Variants in IKZF3 observed in about 807,000 individuals in gnomAD.
The protein encoded by IKZF3 is IKAROS family zinc finger 3.
IKZF3 carries 10 observed loss-of-function variants against 49.0 expected under a neutral mutation model. That is an observed-to-expected ratio of 0.20 (90% CI 0.13 to 0.35). The LOEUF (loss-of-function observed/expected upper bound fraction) is 0.35. Ranked by LOEUF, IKZF3 falls within the 10% of genes least tolerant of loss-of-function variation. IKZF3 has a pLI of 1.00. For missense variants in IKZF3, 498 were observed against 664.8 expected (o/e 0.75, Z 2.76); for synonymous variants, 209 against 228.2 (o/e 0.92, Z 0.76).
At position 39,762,113 on chromosome 17, in the gene IKZF3, C is replaced by G. The variant is rs200058262; in HGVS notation, c.*3677G>C. The G allele has an allele frequency of 6.6e-6, 1 of 152,336 alleles. No individual in the cohort carries two copies. The highest frequency in any genetic ancestry group is 1.9e-4 in the East Asian group (1 of 5,174). The allele number at this position is 152,336 out of a possible 1,614,324, so 9.4% of individuals were successfully genotyped here. On this transcript the variant is annotated 3_prime_UTR_variant, in exon 8 of 8. Coordinates refer to ENST00000346872, the MANE Select transcript of IKZF3 (RefSeq NM_012481.5). ...ATGAAGGAGAGGGGCCTACAAGGCTCTTGTTCAGAGGGAGTCTGCATGAGA... is the reference window on the plus strand; with the variant it reads ...ATGAAGGAGAGGGGCCTACAAGGCTGTTGTTCAGAGGGAGTCTGCATGAGA...
At chr17:39,836,193 GAC>G in intron 1 of IKZF3, 1 of 662,230 alleles carries the variant, frequency 1.5e-6, no homozygotes, top group Non-Finnish European at 2.8e-6. Context: ...GGCTCTGGTT[GAC>G]CATGATGGCT....
intron 4 of IKZF3, among the ~76,000 whole-genome samples, chr17:39,791,887 CTT>C (rs1211244204): frequency 7.1e-5 from 9 of 126,826 alleles, no homozygotes; most frequent in African/African-American, 1.2e-4. Flanking sequence ...TTGGTACTCC[CTT>C]TTTTTTTTTT....
At chr17:39,839,441 C>T in intron 1 of IKZF3, 1 of 591,130 alleles carries the variant, frequency 1.7e-6, no homozygotes. Context: ...CAGTTTTCAT[C>T]TAAATCCACT....
chr17:39,766,658 G>C (rs1567955897), intron 7 of IKZF3, among the ~76,000 whole-genome samples, 165 bp from the exon 8 acceptor site: 1 of 152,206 alleles, frequency 6.6e-6, no homozygotes, highest in Non-Finnish European at 1.5e-5. Context: ...AGGGGACACT[G>C]GTCGGCAGCA....
rs1163710727 is a variant in IKZF3 at position 39,757,725 on chromosome 17, C to T, written c.*8065G>A. The stretch of plus-strand genomic sequence containing the variant: ...AGGATGCACAAGGACTAATTTCAAA[C>T]ATACCAGGATTTTTTTATTTTTCAG... On this transcript the variant is annotated 3_prime_UTR_variant, in exon 8 of 8. Coordinates refer to ENST00000346872, the MANE Select transcript of IKZF3 (RefSeq NM_012481.5). 1.3e-5 allele frequency: 2 copies of T among 152,220 alleles called. No individual in the cohort carries two copies. The highest frequency in any genetic ancestry group is 1.3e-4 in the Admixed American group (2 of 15,286). The allele number at this position is 152,220 out of a possible 1,614,324, so 9.4% of individuals were successfully genotyped here.
chr17:39,814,840 A>C (rs2061642094), intron 3 of IKZF3, among the ~76,000 whole-genome samples: 1 of 152,206 alleles, frequency 6.6e-6, no homozygotes, highest in Non-Finnish European at 1.5e-5. Context: ...GCTTTGTGAC[A>C]AACTGGTGTT....
rs1294411156 is a variant in IKZF3, at chr17:39,765,961, C to T, written c.1359G>A (p.Arg453=). The change falls in exon 8 of 8, where the codon CGG becomes CGA. Residue 453 remains arginine, a synonymous_variant. Coordinates refer to ENST00000346872, the MANE Select transcript of IKZF3 (RefSeq NM_012481.5). ...GGAAGAGGACGCGGCAGTGGTCACA[C>T]CGATACACATCCATCACCTCCCCTT... is the stretch of plus-strand genomic sequence containing the variant. ...NKEGEVMDVY[R]CDHCRVLFLD... 8.9e-5 allele frequency: 144 copies of T among 1,614,128 alleles called. No homozygotes were observed. The highest frequency in any genetic ancestry group is 1.2e-4 in the Non-Finnish European group (143 of 1,180,048).
intron 1 of IKZF3, among the ~76,000 whole-genome samples, chr17:39,847,507 T>C (rs1462974003): frequency 6.6e-6 from 1 of 152,064 alleles, no homozygotes; most frequent in African/African-American, 2.4e-5. Flanking sequence ...GAACTCAAAT[T>C]TACTGAAATG....
intron 1 of IKZF3, among the ~76,000 whole-genome samples, chr17:39,847,078 T>C (rs2062654662): frequency 6.6e-6 from 1 of 152,178 alleles, no homozygotes; most frequent in South Asian, 2.1e-4. Flanking sequence ...TTTTACTTTA[T>C]AATTAAAAGT....
intron 1 of IKZF3, among the ~76,000 whole-genome samples, chr17:39,853,442 A>G (rs1266966272): frequency 6.6e-6 from 1 of 152,228 alleles, no homozygotes; most frequent in Non-Finnish European, 1.5e-5. Flanking sequence ...ATATGTGAAG[A>G]TGACCCACCA....
At chr17:39,809,073 C>G (rs2144078684) in intron 3 of IKZF3, among the ~76,000 whole-genome samples, 1 of 152,334 alleles carries the variant, frequency 6.6e-6, no homozygotes, top group South Asian at 2.1e-4. Context: ...TCTAACACAT[C>G]TTGTCAATGT....
chr17:39,766,953 G>C (rs111883338), intron 7 of IKZF3, among the ~76,000 whole-genome samples: 1 of 152,146 alleles, frequency 6.6e-6, no homozygotes, highest in Non-Finnish European at 1.5e-5. Context: ...ATATTAGGTA[G>C]CCAGGGGGAC....
intron 1 of IKZF3, among the ~76,000 whole-genome samples, chr17:39,838,856 T>C (rs547599635): frequency 1.3e-5 from 2 of 152,320 alleles, no homozygotes; most frequent in East Asian, 3.9e-4. Flanking sequence ...TTTTAAGAGA[T>C]AGGATTTTGC....
intron 1 of IKZF3, among the ~76,000 whole-genome samples, chr17:39,857,759 T>A (rs1446340311): frequency 6.6e-6 from 1 of 152,160 alleles, no homozygotes; most frequent in Non-Finnish European, 1.5e-5. Flanking sequence ...TTCATTAATT[T>A]ATTAAACAAA....
At chr17:39,791,151 T>C (rs1252838455) in intron 5 of IKZF3, among the ~76,000 whole-genome samples, 1 of 152,098 alleles carries the variant, frequency 6.6e-6, no homozygotes, top group Non-Finnish European at 1.5e-5. Context: ...AAAAGGACAT[T>C]TTTTATAGGG....
chr17:39,835,457 G>A, intron 1 of IKZF3: 1 of 453,334 alleles, frequency 2.2e-6, no homozygotes, highest in South Asian at 1.6e-5. Context: ...TCAGACTGGA[G>A]CCGGCTGATG....
At chr17:39,773,743 T>G (rs753780997) in intron 7 of IKZF3, among the ~76,000 whole-genome samples, 1 of 152,160 alleles carries the variant, frequency 6.6e-6, no homozygotes, top group Non-Finnish European at 1.5e-5. Context: ...AAGAGAGAAA[T>G]CCATTTTGAG....
intron 1 of IKZF3, among the ~76,000 whole-genome samples, chr17:39,834,309 C>T (rs2062200518): frequency 1.3e-5 from 2 of 152,218 alleles, no homozygotes; most frequent in African/African-American, 4.8e-5. Context: ...TTGGGCTTAA[C>T]TTACTCTGCT....
intron 5 of IKZF3, 109 bp downstream of exon 5, chr17:39,791,307 A>G: frequency 1.7e-6 from 2 of 1,179,090 alleles, no homozygotes; most frequent in Non-Finnish European, 1.2e-6. Flanking sequence ...GTAACCCTTC[A>G]GAACAAGAAT....
Sources: gnomAD v4.1 joint callset for allele counts (sites outside exome capture counted in the v4.1 genomes callset) on GRCh38, gnomAD v4.1.1 for gene constraint, MANE v1.5 for transcripts, NCBI Gene and HGNC (gene_info 2026-07-23, HGNC 2026-07-21) for gene names.